Variants in NOP58 observed in about 807,000 individuals in gnomAD.
NOP58 encodes the protein NOP58 ribonucleoprotein.
In NOP58, 44 loss-of-function variants were observed where a neutral mutation model predicts 71.2. The ratio of observed to expected loss-of-function variants is 0.62; its 90% confidence interval spans 0.49 to 0.79. The LOEUF (loss-of-function observed/expected upper bound fraction) is 0.79, where lower values mean the gene tolerates loss of function less well. Among genes scored for constraint, NOP58 ranks in the 30% least tolerant of loss-of-function variants. The probability of loss-of-function intolerance (pLI) is 0.00; values close to 1 mark genes in which losing one functional copy is unlikely to be tolerated. For synonymous variants in NOP58, 228 were observed against 200.3 expected (o/e 1.14, Z -1.17); for missense variants, 538 against 620.2 (o/e 0.87, Z 1.41).
intron 3 of NOP58, among the ~76,000 whole-genome samples, chr2:202,279,555 T>G (rs534760469): frequency 6.6e-6 from 1 of 152,358 alleles, no homozygotes; most frequent in African/African-American, 2.4e-5. Context: ...CCCAGCACTT[T>G]GGGAGGCCAA....
At chr2:202,300,513 C>G in intron 13 of NOP58, 146 bp downstream of exon 13, 1 of 623,514 alleles carries the variant, frequency 1.6e-6, no homozygotes. Flanking sequence ...CCATTATGTT[C>G]TCTGGGAATA....
intron 3 of NOP58, among the ~76,000 whole-genome samples, chr2:202,281,406 T>C (rs1688702049): frequency 6.6e-6 from 1 of 152,094 alleles, no homozygotes; most frequent in South Asian, 2.1e-4. Context: ...ATTACAGACT[T>C]GAGCCACCAC....
At position 202,295,688 on chromosome 2, in the gene NOP58, T is replaced by C. The variant is rs2105854421; in HGVS notation, c.922T>C (p.Leu308=). 4 of 1,576,618 alleles carry C rather than the reference T, an allele frequency of 2.5e-6. No homozygotes were observed. The East Asian group carries it at 9.0e-5, about 35-fold the overall frequency. The stretch of plus-strand genomic sequence containing the variant: ...TTCTTTTGTAGGTTCTCTTTTAAAT[T>C]TGGCCAAGCATGCAGCTTCTACCGT... ...LIAHAGSLLN[L]AKHAASTVQI... Residue 308 remains leucine (L), a synonymous_variant, in exon 10 of 15, where the codon TTG becomes CTG. Coordinates refer to ENST00000264279, the MANE Select transcript of NOP58 (RefSeq NM_015934.5).
At chr2:202,287,065 T>C (rs1308284717) in intron 5 of NOP58, among the ~76,000 whole-genome samples, 4 of 74,890 alleles carry the variant, frequency 5.3e-5, no homozygotes, top group Non-Finnish European at 8.8e-5. Context: ...CCAATATGGC[T>C]TTTTTTTTTT....
intron 2 of NOP58, 59 bp from the exon 3 acceptor site, chr2:202,277,891 C>T: frequency 3.4e-6 from 3 of 878,682 alleles, no homozygotes; most frequent in Admixed American, 2.2e-5. Context: ...AGTTATGTGG[C>T]TTTTGAATCA....
chr2:202,274,245 G>T (rs1688552087), intron 1 of NOP58, among the ~76,000 whole-genome samples: 2 of 151,888 alleles, frequency 1.3e-5, no homozygotes, highest in South Asian at 4.1e-4. Context: ...ATTTTTTTGA[G>T]ATGGAGTTTT....
At chr2:202,272,329 A>G (rs183007016) in intron 1 of NOP58, among the ~76,000 whole-genome samples, 7 of 151,596 alleles carry the variant, frequency 4.6e-5, no homozygotes, top group Non-Finnish European at 8.8e-5. Context: ...ATTTTTTTGT[A>G]TTTTTAGTTA....
chr2:202,287,777 T>G, intron 6 of NOP58, 53 bp downstream of exon 6: 3 of 1,273,412 alleles, frequency 2.4e-6, no homozygotes, highest in Non-Finnish European at 2.3e-6. Flanking sequence ...TCATGCGTTT[T>G]CATACTGTTG....
intron 8 of NOP58, among the ~76,000 whole-genome samples, chr2:202,291,667 C>T (rs910186387): frequency 2.6e-5 from 4 of 151,832 alleles, no homozygotes; most frequent in South Asian, 2.1e-4. Flanking sequence ...ATTAGCTGCG[C>T]GTGGTGGCGT....
intron 4 of NOP58, among the ~76,000 whole-genome samples, chr2:202,284,018 ATGCC>A (rs1215474268): frequency 6.6e-6 from 1 of 152,034 alleles, no homozygotes; most frequent in African/African-American, 2.4e-5. Context: ...GCGGTGGCTC[ATGCC>A]TGTAATCCCA....
At chr2:202,282,524 C>T (rs1207098809) in intron 4 of NOP58, 52 bp downstream of exon 4, 1 of 1,554,556 alleles carries the variant, frequency 6.4e-7, no homozygotes, top group South Asian at 1.2e-5. Context: ...TCACAGCATA[C>T]CAACTACAAA....
intron 1 of NOP58, among the ~76,000 whole-genome samples, chr2:202,267,228 A>G (rs1022337223): frequency 7.9e-5 from 12 of 152,196 alleles, no homozygotes; most frequent in African/African-American, 2.7e-4. Context: ...ATGTTGGTAG[A>G]AAGCAAAAAC....
At position 202,297,322 on chromosome 2, in the gene NOP58, G is replaced by A. The variant is rs979785364; in HGVS notation, c.1072-57G>A. 8.8e-6 allele frequency: 13 copies of A among 1,482,978 alleles called. No individual in the cohort carries two copies. The African/African-American group carries it at 9.8e-5, about 11-fold the overall frequency. The allele number at this position is 1,482,978 out of a possible 1,614,324, so 91.9% of individuals were successfully genotyped here. Reference sequence around the variant, plus strand: ...TAACTCCTGATTTTAAAACATCCAAGTTATTGAGGATTTTACATCTGAACA... The same window carrying A: ...TAACTCCTGATTTTAAAACATCCAAATTATTGAGGATTTTACATCTGAACA... On this transcript the variant is annotated intron_variant, in intron 10 of 14. Coordinates refer to ENST00000264279, the MANE Select transcript of NOP58 (RefSeq NM_015934.5).
intron 1 of NOP58, among the ~76,000 whole-genome samples, chr2:202,268,894 C>T (rs745677308): frequency 6.6e-6 from 1 of 152,142 alleles, no homozygotes; most frequent in Non-Finnish European, 1.5e-5. Flanking sequence ...AGGCGTGAGC[C>T]ACTGCACCTG....
intron 13 of NOP58, among the ~76,000 whole-genome samples, chr2:202,302,083 C>CTTTTTTTTTTTTTT (rs71031885): frequency 6.3e-4 from 57 of 90,578 alleles, no homozygotes; most frequent in Non-Finnish European, 8.8e-4. Context: ...TTTTTTTTTT[C>CTTTTTTTTTTTTTT]TTTTTTTTTT....
intron 6 of NOP58, among the ~76,000 whole-genome samples, chr2:202,287,993 A>T (rs78175596): frequency 0.1 from 15,652 of 152,062 alleles, 979 homozygotes; most frequent in South Asian, 0.23. Flanking sequence ...GTGTACCTAT[A>T]ATCCCAGCTA....
At chr2:202,297,635 C>A in intron 11 of NOP58, 122 bp downstream of exon 11, 5 of 1,016,142 alleles carry the variant, frequency 4.9e-6, no homozygotes, top group Middle Eastern at 2.3e-4. Context: ...CTAAAGTATT[C>A]TTTTTGTGCC....
chr2:202,297,939 G>A (rs768000026), intron 12 of NOP58, 33 bp downstream of exon 12: 2 of 1,312,900 alleles, frequency 1.5e-6, no homozygotes, highest in South Asian at 1.5e-5. Context: ...GGGGTGAATA[G>A]TTTTTTTAAA....
At chr2:202,303,091 G>A in intron 14 of NOP58, 34 bp downstream of exon 14, 1 of 1,599,608 alleles carries the variant, frequency 6.3e-7, no homozygotes, top group Non-Finnish European at 8.5e-7. Context: ...TTTTCACTTG[G>A]AGGGGCCAGT....
Sources: allele counts gnomAD v4.1 joint callset (sites outside exome capture counted in the v4.1 genomes callset), GRCh38; gene constraint gnomAD v4.1.1; transcripts MANE v1.5; gene names NCBI Gene and HGNC (gene_info 2026-07-23, HGNC 2026-07-21).